SNTG1: variants seen among roughly 807,000 people sequenced by gnomAD.
SNTG1 encodes gamma-1-syntrophin.
A neutral mutation model predicts 74.7 loss-of-function variants in SNTG1; 39 were observed. The observed-to-expected ratio is 0.52, with a 90% confidence interval of 0.40 to 0.68. The LOEUF (loss-of-function observed/expected upper bound fraction) is 0.68. Ranked by LOEUF, SNTG1 falls within the 30% of genes least tolerant of loss-of-function variation. SNTG1 has a pLI of 0.00. For synonymous variants in SNTG1, 254 were observed against 217.1 expected (o/e 1.17, Z -1.49); for missense variants, 685 against 609.5 (o/e 1.12, Z -1.30).
intron 2 of SNTG1, among the ~76,000 whole-genome samples, chr8:50,220,063 T>C (rs917029736): frequency 1.3e-5 from 2 of 152,094 alleles, no homozygotes; most frequent in Non-Finnish European, 2.9e-5. Flanking sequence ...ATATCTGGAA[T>C]TAACTTTAAG....
intron 13 of SNTG1, among the ~76,000 whole-genome samples, chr8:50,619,910 GAAA>G (rs779432001): frequency 2.9e-5 from 3 of 102,170 alleles, no homozygotes; most frequent in African/African-American, 7.0e-5. Flanking sequence ...CATGTCTGCA[GAAA>G]AAAAAAAAAA....
chr8:50,056,935 A>G (rs1820075686), intron 1 of SNTG1, among the ~76,000 whole-genome samples: 1 of 152,206 alleles, frequency 6.6e-6, no homozygotes, highest in African/African-American at 2.4e-5. Flanking sequence ...TTAGGTTTAT[A>G]GAGTGTAACC....
intron 5 of SNTG1, 36 bp downstream of exon 5, chr8:50,438,635 A>G (rs768257069): frequency 1.2e-4 from 181 of 1,546,586 alleles, no homozygotes; most frequent in Non-Finnish European, 1.6e-4. Flanking sequence ...TACAAAGGCC[A>G]TGCCATAAGA....
intron 13 of SNTG1, among the ~76,000 whole-genome samples, chr8:50,626,346 A>G (rs1412717980): frequency 1.3e-5 from 2 of 152,166 alleles, no homozygotes; most frequent in African/African-American, 4.8e-5. Context: ...GAAACTAGAT[A>G]CAATGTGTTA....
At chr8:50,039,057 T>G (rs1278448340) in intron 1 of SNTG1, among the ~76,000 whole-genome samples, 1 of 152,124 alleles carries the variant, frequency 6.6e-6, no homozygotes, top group Non-Finnish European at 1.5e-5. Flanking sequence ...GTTTCAGAAA[T>G]TAAAATGGGG....
At chr8:50,590,581 TGATA>T (rs2094684976) in intron 12 of SNTG1, among the ~76,000 whole-genome samples, 1 of 152,134 alleles carries the variant, frequency 6.6e-6, no homozygotes, top group Admixed American at 6.6e-5. Flanking sequence ...TCTGCATTCT[TGATA>T]GATAATCATT....
At position 50,394,242 on chromosome 8, in the gene SNTG1, G is replaced by C; in HGVS notation, c.4G>C (p.Asp2His). 2 of 1,613,008 alleles carry C rather than the reference G, an allele frequency of 1.2e-6. No homozygotes were observed. The change falls in exon 3 of 19, where the codon GAT (aspartate) becomes CAT (histidine). Residue 2 changes from aspartate (D) to histidine (H), a missense_variant. By Grantham distance (81) the Asp-to-His change is moderately conservative (BLOSUM62 -1). Transcript: ENST00000642720. ...ATCCTTTGTGGTGCCACAGCACATG[G>C]ATTTCAGAACCGCCTGTGAGGAGGT... is the stretch of plus-strand genomic sequence containing the variant. Reference protein sequence around the residue: MDFRTACEETKT... With the variant: MHFRTACEETKT...
At chr8:50,330,534 A>C (rs1403116875) in intron 2 of SNTG1, among the ~76,000 whole-genome samples, 1 of 152,150 alleles carries the variant, frequency 6.6e-6, no homozygotes, top group African/African-American at 2.4e-5. Flanking sequence ...TCTTCCTGTT[A>C]CCCAGTTCCA....
intron 15 of SNTG1, among the ~76,000 whole-genome samples, chr8:50,699,993 A>T (rs4873155): frequency 1.3e-5 from 2 of 152,098 alleles, no homozygotes; most frequent in South Asian, 2.1e-4. Context: ...AATCAACTTG[A>T]CAAGGATTAC....
At chr8:50,151,714 T>G (rs918139505) in intron 1 of SNTG1, among the ~76,000 whole-genome samples, 4 of 152,082 alleles carry the variant, frequency 2.6e-5, no homozygotes, top group African/African-American at 4.8e-5. Flanking sequence ...ATGTAGTTGA[T>G]TGGTTTTGAG....
intron 1 of SNTG1, among the ~76,000 whole-genome samples, chr8:50,171,324 G>A (rs1019744662): frequency 3.3e-5 from 5 of 152,146 alleles, no homozygotes; most frequent in African/African-American, 9.7e-5. Flanking sequence ...CAACTGAGGA[G>A]CAAAGAAACC....
chr8:50,032,874 T>C (rs1349384431), intron 1 of SNTG1, among the ~76,000 whole-genome samples: 1 of 152,142 alleles, frequency 6.6e-6, no homozygotes, highest in Non-Finnish European at 1.5e-5. Flanking sequence ...ATCAAATTTT[T>C]TATCCTGGTT....
intron 2 of SNTG1, among the ~76,000 whole-genome samples, chr8:50,247,973 G>C (rs1324438562): frequency 6.6e-6 from 1 of 152,008 alleles, no homozygotes; most frequent in Non-Finnish European, 1.5e-5. Context: ...ATCAGTTCTG[G>C]GACTCTTTCC....
chr8:50,310,556 C>T (rs904627747), intron 2 of SNTG1, among the ~76,000 whole-genome samples: 15 of 151,974 alleles, frequency 9.9e-5, no homozygotes, highest in African/African-American at 2.4e-4. Flanking sequence ...GGTGTGGTGG[C>T]GCATGCCTGT....
At chr8:49,938,587 C>CTTTTT (rs756104336) in intron 1 of SNTG1, among the ~76,000 whole-genome samples, 1 of 42,054 alleles carries the variant, frequency 2.4e-5, no homozygotes, top group Non-Finnish European at 4.7e-5. Context: ...CTTTTCTTTT[C>CTTTTT]TTTTCTTTTC....
intron 13 of SNTG1, among the ~76,000 whole-genome samples, chr8:50,652,282 T>C (rs1382264794): frequency 6.6e-6 from 1 of 152,156 alleles, no homozygotes; most frequent in East Asian, 1.9e-4. Context: ...CCAGTGCACT[T>C]GAAAATAATT....
chr8:50,307,783 G>A (rs547748435), intron 2 of SNTG1, among the ~76,000 whole-genome samples: 1 of 150,676 alleles, frequency 6.6e-6, no homozygotes, highest in Admixed American at 6.6e-5. Flanking sequence ...ACTTCTTTCT[G>A]TTCTTCATTT....
chr8:50,005,955 CTTTT>C (rs57041850), intron 1 of SNTG1, among the ~76,000 whole-genome samples: 2 of 89,376 alleles, frequency 2.2e-5, no homozygotes, highest in South Asian at 3.9e-4. Context: ...ATTACTTGCA[CTTTT>C]TTTTTTTTTT....
At chr8:50,645,802 G>A (rs1258091134) in intron 13 of SNTG1, among the ~76,000 whole-genome samples, 1 of 151,966 alleles carries the variant, frequency 6.6e-6, no homozygotes, top group Non-Finnish European at 1.5e-5. Context: ...GGAGGGCTCA[G>A]AAATCAAATA....
Sources: allele counts gnomAD v4.1 joint callset (sites outside exome capture counted in the v4.1 genomes callset), GRCh38; gene constraint gnomAD v4.1.1; transcripts MANE v1.5; gene names NCBI Gene and HGNC (gene_info 2026-07-23, HGNC 2026-07-21).